CCT2: variants seen among roughly 807,000 people sequenced by gnomAD.
CCT2 encodes the protein T-complex protein 1 subunit beta.
In CCT2, 18 loss-of-function variants were observed where a neutral mutation model predicts 61.8. That is an observed-to-expected ratio of 0.29 (90% CI 0.20 to 0.43). CCT2 has a LOEUF of 0.43. CCT2 is among the 20% of genes least tolerant of loss of function. CCT2 has a pLI of 1.00. For missense variants in CCT2, 556 were observed against 656.9 expected (o/e 0.85, Z 1.68); for synonymous variants, 248 against 215.9 (o/e 1.15, Z -1.30).
chr12:69,585,951 T>A, intron 1 of CCT2: 1 of 1,290,692 alleles, frequency 7.7e-7, no homozygotes. Context: ...GGCGTCACCT[T>A]GATGGCCTGC....
chr12:69,585,463 C>A lies in CCT2; in HGVS notation c.-59C>A. On this transcript the variant is annotated 5_prime_UTR_variant, in exon 1 of 16. Coordinates refer to ENST00000299300, the MANE Select transcript of CCT2 (RefSeq NM_006431.3). ...GCGTCACTTCCGGCTTCCTTCAGTC[C>A]GCTGGTCCCGAGCACGAGCTGTGAG... 6.5e-7 allele frequency: 1 copy of A among 1,549,998 alleles called. No homozygotes were observed. The highest frequency in any genetic ancestry group is 8.7e-7 in the Non-Finnish European group (1 of 1,144,718).
At chr12:69,586,974 C>T in intron 3 of CCT2, 156 bp downstream of exon 3, 1 of 514,912 alleles carries the variant, frequency 1.9e-6, no homozygotes, top group Non-Finnish European at 3.4e-6. Context: ...TCCCCAGAAT[C>T]ACCATCCCCA....
intron 7 of CCT2, among the ~76,000 whole-genome samples, chr12:69,590,504 A>G (rs1186154519): frequency 6.6e-6 from 1 of 152,024 alleles, no homozygotes; most frequent in Non-Finnish European, 1.5e-5. Flanking sequence ...TTCACATTAT[A>G]TTTACTTCAC....
rs1211155356 is a variant in CCT2 at position 69,593,095 on chromosome 12, T to C, written c.870T>C (p.Phe290=). 3 of 1,612,938 alleles carry C rather than the reference T, an allele frequency of 1.9e-6. No homozygotes were observed. In the African/African-American group the frequency reaches 4.0e-5, roughly 22 times the overall value. ...ERILKHGINC[F]INRQLIYNYP... ...TTCTTAAGCATGGAATAAATTGCTTTATTAACAGGTCTGTGTTTGCTTTTA... is the reference window on the plus strand; with the variant it reads ...TTCTTAAGCATGGAATAAATTGCTTCATTAACAGGTCTGTGTTTGCTTTTA... Residue 290 remains phenylalanine (F), a synonymous_variant, in exon 9 of 16, where the codon TTT becomes TTC. Transcript: ENST00000299300.
chr12:69,594,199 C>G (rs1474846248), intron 10 of CCT2, among the ~76,000 whole-genome samples: 4 of 151,510 alleles, frequency 2.6e-5, no homozygotes, highest in Non-Finnish European at 5.9e-5. Flanking sequence ...TTGTTAAAAT[C>G]TGAACAAACT....
intron 10 of CCT2, among the ~76,000 whole-genome samples, chr12:69,596,413 A>C (rs1346484924): frequency 6.6e-6 from 1 of 152,226 alleles, no homozygotes; most frequent in African/African-American, 2.4e-5. Flanking sequence ...AAGGATTTTG[A>C]AATGGAAACC....
At position 69,589,542 on chromosome 12, in the gene CCT2, C is replaced by T. The variant is rs1417016037; in HGVS notation, c.504C>T (p.Ser168=). ...DLMNIAGTTL[S]SKLLTHHKDH... ...TGAATATTGCGGGCACAACATTATC[C>T]TCAAAACTTCTTACTCATCACAAAG... The change falls in exon 7 of 16, where the codon TCC becomes TCT. Residue 168 remains serine (S), a synonymous_variant. Coordinates refer to ENST00000299300, the MANE Select transcript of CCT2 (RefSeq NM_006431.3). 3.7e-6 allele frequency: 6 copies of T among 1,614,024 alleles called. No individual in the cohort carries two copies. The highest frequency in any genetic ancestry group is 5.1e-6 in the Non-Finnish European group (6 of 1,179,932).
chr12:69,597,868 G>T, intron 12 of CCT2, 100 bp from the exon 13 acceptor site: 3 of 1,416,336 alleles, frequency 2.1e-6, no homozygotes, highest in South Asian at 1.3e-5. Flanking sequence ...TATTGCTTTT[G>T]CACTAAATTT....
chr12:69,591,770 T>G (rs1881841204), intron 7 of CCT2, among the ~76,000 whole-genome samples: 1 of 152,190 alleles, frequency 6.6e-6, no homozygotes. Flanking sequence ...GTTCCTAGTT[T>G]CTGTTTCTGG....
At position 69,589,485 on chromosome 12, in the gene CCT2, T is replaced by C; in HGVS notation, c.447T>C (p.Gly149=). 1 of 1,613,302 alleles carries C rather than the reference T, an allele frequency of 6.2e-7. No homozygotes were observed. The highest frequency in any genetic ancestry group is 1.1e-5 in the South Asian group (1 of 91,044). Residue 149 remains glycine (G), a splice_region_variant and synonymous_variant, in exon 7 of 16, where the codon GGT becomes GGC. Transcript: ENST00000299300. ...EALLSSAVDH[G]SDEVKFRQDL... ...TGTATATTTGGTTGGTTTTATTTAGTTCCGATGAAGTTAAATTCCGTCAAG... is the reference window on the plus strand; with the variant it reads ...TGTATATTTGGTTGGTTTTATTTAGCTCCGATGAAGTTAAATTCCGTCAAG...
intron 13 of CCT2, 58 bp downstream of exon 13, chr12:69,598,129 A>G: frequency 1.1e-5 from 14 of 1,292,500 alleles, no homozygotes; most frequent in South Asian, 1.2e-5. Flanking sequence ...GATAGTTTTA[A>G]AATGAGTAGA....
intron 8 of CCT2, 38 bp downstream of exon 8, chr12:69,592,197 C>T (rs754329687): frequency 2.5e-6 from 3 of 1,211,124 alleles, no homozygotes; most frequent in East Asian, 4.7e-5. Flanking sequence ...AAATTACTGC[C>T]CAGGCAGAGT....
chr12:69,597,018 A>C lies in CCT2; in HGVS notation c.983-138A>C, dbSNP rs931293671. ...TAGTCGATATGAAGTATTTAAAAAG[A>C]GTGCCAGGAATATAATCAGCAATCA... On this transcript the variant is annotated intron_variant, in intron 10 of 15. Coordinates refer to ENST00000299300, the MANE Select transcript of CCT2 (RefSeq NM_006431.3). 2.0e-5 allele frequency: 13 copies of C among 644,002 alleles called. No individual in the cohort carries two copies. The African/African-American group carries it at 2.4e-4, about 12-fold the overall frequency. The allele number at this position is 644,002 out of a possible 1,614,324, so 39.9% of individuals were successfully genotyped here. A position where few individuals can be genotyped will look rare whatever the true frequency, so the allele number is the denominator to read the frequency against.
Position 69,585,510 on chromosome 12 carries a change from C to A in CCT2, c.-12C>A. ...TGAGGGGATTCACTTGTGTGCGGAA[C>A]TCCTCGGAACCATGGTGAGCCTGAC... On this transcript the variant is annotated 5_prime_UTR_variant, in exon 1 of 16. Coordinates refer to ENST00000299300, the MANE Select transcript of CCT2 (RefSeq NM_006431.3). The A allele has an allele frequency of 6.4e-7, 1 of 1,566,978 alleles. No homozygotes were observed. The highest frequency in any genetic ancestry group is 8.7e-7 in the Non-Finnish European group (1 of 1,154,936).
At chr12:69,585,885 G>A in intron 1 of CCT2, 3 of 1,284,502 alleles carry the variant, frequency 2.3e-6, no homozygotes, top group Middle Eastern at 3.1e-4. Context: ...AGGGTGGAGG[G>A]GCCGCAGCCT....
At chr12:69,589,851 C>A (rs1881781862) in intron 7 of CCT2, 164 bp downstream of exon 7, 1 of 611,114 alleles carries the variant, frequency 1.6e-6, no homozygotes, top group Non-Finnish European at 2.9e-6. Flanking sequence ...ACAGTGTACT[C>A]CTCTTCCCGC....
intron 1 of CCT2, chr12:69,585,756 T>A (rs1881629611): frequency 7.0e-7 from 1 of 1,425,946 alleles, no homozygotes; most frequent in African/African-American, 1.4e-5. Flanking sequence ...CCTAGGTCTT[T>A]GCATAGTCCC....
chr12:69,592,183 A>G, intron 8 of CCT2, 24 bp downstream of exon 8: 1 of 1,361,900 alleles, frequency 7.3e-7, no homozygotes, highest in South Asian at 1.2e-5. Context: ...CTTTTTAAAA[A>G]TTAAAATTAC....
intron 7 of CCT2, among the ~76,000 whole-genome samples, chr12:69,590,385 T>C (rs1464991980): frequency 6.6e-6 from 1 of 152,154 alleles, no homozygotes; most frequent in Non-Finnish European, 1.5e-5. Context: ...TAATTATGTA[T>C]GTTTATAGGG....
Sources: allele counts gnomAD v4.1 joint callset (sites outside exome capture counted in the v4.1 genomes callset), GRCh38; gene constraint gnomAD v4.1.1; transcripts MANE v1.5; gene names NCBI Gene and HGNC (gene_info 2026-07-23, HGNC 2026-07-21).